Variants in MACF1 observed in about 807,000 individuals in gnomAD.
MACF1 encodes the protein microtubule actin crosslinking factor 1, also known as microtubule-actin cross-linking factor 1.
In MACF1, 193 loss-of-function variants were observed where a neutral mutation model predicts 854.8. That is an observed-to-expected ratio of 0.23 (90% confidence interval 0.20 to 0.25). The LOEUF (loss-of-function observed/expected upper bound fraction) is 0.25. Among genes scored for constraint, MACF1 ranks in the 10% least tolerant of loss-of-function variants. The pLI is 1.00. For synonymous variants in MACF1, 3,185 were observed against 3,226.7 expected, an observed-to-expected ratio of 0.99 and a Z score of 0.44; for missense variants, 7,722 against 8,929.1, an observed-to-expected ratio of 0.86 and a Z score of 5.45.
chr1:39,176,782 G>GT (rs1644035213), intron 2 of MACF1, among the ~76,000 whole-genome samples: 1 of 152,208 alleles, frequency 6.6e-6, no homozygotes, highest in Non-Finnish European at 1.5e-5. Context: ...CTTGGGCCAA[G>GT]TGATATAACT....
At chr1:39,473,786 G>A (rs556018420) in intron 97 of MACF1, among the ~76,000 whole-genome samples, 15 of 152,204 alleles carry the variant, frequency 9.9e-5, no homozygotes, top group African/African-American at 2.9e-4. Context: ...TGCAAGCCTC[G>A]CACTGGGATC....
chr1:39,432,631 A>G lies in MACF1; in HGVS notation c.17434A>G (p.Thr5812Ala). The G allele has an allele frequency of 6.2e-7, 1 of 1,614,038 alleles. No homozygotes were observed. Among genetic ancestry groups the G allele is most frequent in the Non-Finnish European group, 8.5e-7 (1 of 1,179,968 alleles). Reference protein sequence around the residue: ...GPIRLEQDQTTAQLQVQKAFS... With the variant: ...GPIRLEQDQTAAQLQVQKAFS... Reference sequence around the variant, plus strand: ...AATTCGCCTGGAACAGGACCAGACCACAGCTCAGCTTCAGGTACAGAAGGT... The same window carrying G: ...AATTCGCCTGGAACAGGACCAGACCGCAGCTCAGCTTCAGGTACAGAAGGT... Residue 5812 changes from threonine to alanine, a missense_variant, in exon 67 of 101, where the codon ACA becomes GCA. Coordinates refer to ENST00000564288, the MANE Select transcript of MACF1 (RefSeq NM_001394062.1).
Position 39,410,842 on chromosome 1 carries a change from A to G in MACF1, c.15817-11532A>G. The G allele has an allele frequency of 1.9e-6, 3 of 1,613,980 alleles. No individual in the cohort carries two copies. In the South Asian group the frequency reaches 3.3e-5, roughly 18 times the overall value. ...CAGGGAACCTCAGTCAGAGTCAGTA[A>G]CTCTGGAACATGTGTCCAAATCCAT... On this transcript the variant is annotated intron_variant, in intron 58 of 100. Transcript: ENST00000564288.
chr1:39,322,576 G>C (rs1646534175), intron 31 of MACF1, 32 bp from the exon 32 acceptor site: 1 of 1,528,682 alleles, frequency 6.5e-7, no homozygotes, highest in African/African-American at 1.4e-5. Flanking sequence ...ATAAAACCCT[G>C]AGTAACTGTA....
At chr1:39,400,954 T>C (rs1343533224) in intron 58 of MACF1, among the ~76,000 whole-genome samples, 1 of 152,148 alleles carries the variant, frequency 6.6e-6, no homozygotes, top group Non-Finnish European at 1.5e-5. Context: ...GTAAAATTAG[T>C]TTGATAACAA....
At chr1:39,351,697 G>A (rs1040532645) in intron 43 of MACF1, among the ~76,000 whole-genome samples, 8 of 144,528 alleles carry the variant, frequency 5.5e-5, no homozygotes, top group East Asian at 2.1e-4. Flanking sequence ...AGTGATTCTC[G>A]TGCCTCAGCC....
chr1:39,482,436 T>G (rs1645026429), intron 99 of MACF1, among the ~76,000 whole-genome samples: 1 of 152,246 alleles, frequency 6.6e-6, no homozygotes, highest in Admixed American at 6.5e-5. Flanking sequence ...GGAAAACAAT[T>G]TACATAATTG....
intron 1 of MACF1, among the ~76,000 whole-genome samples, chr1:39,210,108 A>G (rs1316499234): frequency 6.6e-6 from 1 of 151,726 alleles, no homozygotes; most frequent in Non-Finnish European, 1.5e-5. Flanking sequence ...AAAAAAAAAA[A>G]GACTTACAGG....
chr1:39,243,044 C>T (rs1481627329), intron 2 of MACF1, among the ~76,000 whole-genome samples: 2 of 152,168 alleles, frequency 1.3e-5, no homozygotes, highest in African/African-American at 4.8e-5. Flanking sequence ...AGCAACTGCA[C>T]CATTTTACAT....
At position 39,417,713 on chromosome 1, in the gene MACF1, A is replaced by ATTTTTTTTT. The variant is rs56799242; in HGVS notation, c.15817-4633_15817-4625dup. 3.4e-4 allele frequency among the ~76,000 whole-genome samples: 19 copies of ATTTTTTTTT among 55,836 alleles called. 2 individuals are homozygous for ATTTTTTTTT. The highest frequency in any genetic ancestry group is 1.3e-3 in the East Asian group (3 of 2,314). The allele number at this position is 55,836 out of a possible 152,430, so 36.6% of individuals were successfully genotyped here. ...AGGAATGTGCCACCACACCCAGTTA[A>ATTTTTTTTT]TTTTTTTTTTTTTTTTTTTTTTTTT... On this transcript the variant is annotated intron_variant, in intron 58 of 100. Transcript: ENST00000564288.
intron 31 of MACF1, among the ~76,000 whole-genome samples, chr1:39,321,921 A>T (rs867460147): frequency 2.0e-4 from 30 of 152,358 alleles, no homozygotes; most frequent in Middle Eastern, 3.4e-3. Context: ...GGAACAATAG[A>T]GAATAAATTG....
intron 2 of MACF1, among the ~76,000 whole-genome samples, chr1:39,113,075 CATTTACA>C (rs1642452563): frequency 6.6e-6 from 1 of 152,144 alleles, no homozygotes; most frequent in African/African-American, 2.4e-5. Flanking sequence ...TGTCACCCAT[CATTTACA>C]TAACCTCTTC....
At chr1:39,177,099 C>G (rs947064831) in intron 2 of MACF1, among the ~76,000 whole-genome samples, 1 of 152,082 alleles carries the variant, frequency 6.6e-6, no homozygotes, top group Non-Finnish European at 1.5e-5. Flanking sequence ...GACTGAGAAT[C>G]GCTGTCATCA....
intron 58 of MACF1, among the ~76,000 whole-genome samples, chr1:39,408,314 G>T (rs1288423086): frequency 1.3e-5 from 2 of 152,220 alleles, no homozygotes; most frequent in Non-Finnish European, 2.9e-5. Flanking sequence ...GGTAGAATGT[G>T]CCTAGAGTTA....
upstream of MACF1, among the ~76,000 whole-genome samples, chr1:39,201,878 T>C (rs1644393418): frequency 6.6e-6 from 1 of 151,610 alleles, no homozygotes; most frequent in Admixed American, 6.6e-5. Flanking sequence ...AGAAACGTAA[T>C]TCTGCCTCAG....
At chr1:39,234,443 A>C (rs2148310479) in intron 2 of MACF1, among the ~76,000 whole-genome samples, 2 of 140,906 alleles carry the variant, frequency 1.4e-5, no homozygotes. Flanking sequence ...TCCCTCCCGG[A>C]CGGGGCGGCT....
At chr1:39,411,121 G>A (rs1416207056) in intron 58 of MACF1, 11 of 1,613,482 alleles carry the variant, frequency 6.8e-6, no homozygotes, top group Non-Finnish European at 9.3e-6. Context: ...CTGCACTGTG[G>A]AAATGCCACC....
chr1:39,255,375 G>A (rs900388636), intron 5 of MACF1, among the ~76,000 whole-genome samples: 2 of 152,204 alleles, frequency 1.3e-5, no homozygotes, highest in Non-Finnish European at 2.9e-5. Flanking sequence ...GTGGTAGAAA[G>A]AAGATGGATG....
At chr1:39,261,820 T>C (rs900189911) in intron 6 of MACF1, among the ~76,000 whole-genome samples, 2 of 152,228 alleles carry the variant, frequency 1.3e-5, no homozygotes, top group Non-Finnish European at 2.9e-5. Context: ...TGTATATACC[T>C]AGGAATGGGA....
Sources: gnomAD v4.1 joint callset for allele counts (sites outside exome capture counted in the v4.1 genomes callset) on GRCh38, gnomAD v4.1.1 for gene constraint, MANE v1.5 for transcripts, NCBI Gene and HGNC (gene_info 2026-07-23, HGNC 2026-07-21) for gene names.